AP1G1: variants seen among roughly 807,000 people sequenced by gnomAD.
AP1G1 encodes the protein adaptor related protein complex 1 subunit gamma 1, also known as AP-1 complex subunit gamma-1.
In AP1G1, 7 loss-of-function variants were observed where a neutral mutation model predicts 108.3. That is an observed-to-expected ratio of 0.06 (90% CI 0.04 to 0.12). The LOEUF (loss-of-function observed/expected upper bound fraction) is 0.12. Among genes scored for constraint, AP1G1 ranks in the 10% least tolerant of loss-of-function variants. The probability of loss-of-function intolerance (pLI) is 1.00; values close to 1 mark genes in which losing one functional copy is unlikely to be tolerated. For synonymous variants in AP1G1, 379 were observed against 353.5 expected (o/e 1.07, Z -0.81); for missense variants, 756 against 1,010.7 (o/e 0.75, Z 3.42).
chr16:71,766,217 C>G (rs1005462704), intron 6 of AP1G1, among the ~76,000 whole-genome samples: 4 of 152,118 alleles, frequency 2.6e-5, no homozygotes, highest in African/African-American at 7.2e-5. Flanking sequence ...ATAATTTCCT[C>G]TTCCTATTCT....
chr16:71,787,907 T>C (rs1164893760), intron 2 of AP1G1, among the ~76,000 whole-genome samples: 1 of 152,244 alleles, frequency 6.6e-6, no homozygotes, highest in East Asian at 1.9e-4. Flanking sequence ...ATGACACTAA[T>C]TCTGTCCCAA....
At chr16:71,789,054 A>G (rs1434905504) in intron 2 of AP1G1, among the ~76,000 whole-genome samples, 1 of 152,194 alleles carries the variant, frequency 6.6e-6, no homozygotes, top group East Asian at 1.9e-4. Context: ...GCCACCATCA[A>G]AACATTCTCT....
intron 2 of AP1G1, among the ~76,000 whole-genome samples, chr16:71,785,622 C>T (rs770622435): frequency 6.7e-6 from 1 of 150,018 alleles, no homozygotes; most frequent in African/African-American, 2.5e-5. Flanking sequence ...TGGTGGCTCA[C>T]GCCTGTAATC....
chr16:71,788,463 AG>A (rs954599137), intron 2 of AP1G1, among the ~76,000 whole-genome samples: 14 of 152,202 alleles, frequency 9.2e-5, no homozygotes, highest in African/African-American at 2.9e-4. Flanking sequence ...CATCTTAGAT[AG>A]TAACCATTTG....
At chr16:71,753,604 A>T in intron 13 of AP1G1, 1 of 517,154 alleles carries the variant, frequency 1.9e-6, no homozygotes, top group Non-Finnish European at 3.5e-6. Context: ...CTCCCTGACT[A>T]ACTCTAATCT....
At chr16:71,763,360 T>C (rs1432719110) in intron 9 of AP1G1, among the ~76,000 whole-genome samples, 1 of 152,168 alleles carries the variant, frequency 6.6e-6, no homozygotes, top group African/African-American at 2.4e-5. Context: ...GGACTACAGA[T>C]AGTTACAGCA....
intron 10 of AP1G1, 97 bp downstream of exon 10, chr16:71,761,415 A>T: frequency 1.1e-6 from 1 of 878,080 alleles, no homozygotes; most frequent in Non-Finnish European, 1.9e-6. Context: ...AAAGTTCTAA[A>T]TATGTGACTT....
At chr16:71,769,523 C>A (rs775046848) in intron 6 of AP1G1, 100 bp downstream of exon 6, 3 of 1,152,976 alleles carry the variant, frequency 2.6e-6, no homozygotes, top group Non-Finnish European at 3.9e-6. Flanking sequence ...TATTCAGATC[C>A]ATAGCTTGCT....
intron 11 of AP1G1, among the ~76,000 whole-genome samples, chr16:71,757,922 T>C (rs1237623097): frequency 1.3e-5 from 2 of 151,834 alleles, no homozygotes; most frequent in Non-Finnish European, 2.9e-5. Flanking sequence ...AACTAATCTG[T>C]TAATTAGGGA....
intron 13 of AP1G1, chr16:71,753,500 C>G: frequency 5.0e-6 from 1 of 201,892 alleles, no homozygotes; most frequent in Non-Finnish European, 1.0e-5. Context: ...ACTTAGGGTT[C>G]CCTCCGTATG....
At chr16:71,794,294 G>A (rs915475815) in intron 1 of AP1G1, among the ~76,000 whole-genome samples, 3 of 151,982 alleles carry the variant, frequency 2.0e-5, no homozygotes, top group African/African-American at 4.8e-5. Context: ...TTAGTATTTC[G>A]ATGGTTTCAC....
chr16:71,745,185 C>T lies in AP1G1; in HGVS notation c.1958G>A (p.Gly653Asp). Residue 653 changes from glycine (G) to aspartate (D), a missense_variant, in exon 19 of 23, where the codon GGT becomes GAT. By Grantham distance (94) the Gly-to-Asp change is moderately conservative. Transcript: ENST00000299980. ...TAPTSKPSSA[G>D]GELLDLLGDI... is the part of the protein sequence containing the mutation. ...TCCCAGCAAATCAAGAAGTTCTCCACCAGCAGAAGATGGTTTGCTTGTAGG... is the reference window on the plus strand; with the variant it reads ...TCCCAGCAAATCAAGAAGTTCTCCATCAGCAGAAGATGGTTTGCTTGTAGG... The T allele has an allele frequency of 6.2e-7, 1 of 1,614,142 alleles. No homozygotes were observed. The highest frequency in any genetic ancestry group is 8.5e-7 in the Non-Finnish European group (1 of 1,180,036).
At chr16:71,752,493 A>T (rs2030559138) in intron 13 of AP1G1, among the ~76,000 whole-genome samples, 1 of 152,178 alleles carries the variant, frequency 6.6e-6, no homozygotes, top group Non-Finnish European at 1.5e-5. Context: ...AATTTCAATG[A>T]TATAATTTTC....
Position 71,746,446 on chromosome 16 carries a change from G to A in AP1G1, c.1730+142C>T, listed in dbSNP as rs1312893775. On this transcript the variant is annotated intron_variant, in intron 17 of 22. Transcript: ENST00000299980. ...GGCAGAATAGAAGATGGACAAAACAGAAGCAGACAAGCAATTAGAACTAAA... is the reference window on the plus strand; with the variant it reads ...GGCAGAATAGAAGATGGACAAAACAAAAGCAGACAAGCAATTAGAACTAAA... 88 of 476,492 alleles carry A rather than the reference G, an allele frequency of 1.8e-4. No individual in the cohort carries two copies. In the East Asian group the frequency reaches 2.6e-3, roughly 14 times the overall value. 29.5% of individuals were successfully genotyped at this position (476,492 alleles called of 1,614,324 possible).
chr16:71,750,298 T>G lies in AP1G1; in HGVS notation c.1319A>C (p.Asn440Thr), dbSNP rs148838983. The G allele has an allele frequency of 6.2e-7, 1 of 1,613,984 alleles. No homozygotes were observed. Among genetic ancestry groups the G allele is most frequent in the Non-Finnish European group, 8.5e-7 (1 of 1,180,000 alleles). The change falls in exon 14 of 23, where the codon AAT (asparagine) becomes ACT (threonine). Residue 440 changes from asparagine to threonine, a missense_variant. Asn to Thr is a moderately conservative substitution (Grantham distance 65). Around this residue, in one of 3 missense-constraint regions of AP1G1, gnomAD observed 357 missense variants for 366.5 expected, o/e 0.97. Transcript: ENST00000299980. The part of the protein sequence containing the change: ...GSYVRDDAVP[N>T]LIQLITNSVE... The stretch of plus-strand genomic sequence containing the variant: ...ACTATTAGTTATTAACTGGATTAAA[T>G]TGGGGACTGCATCATCACGAACATA...
chr16:71,769,648 G>A lies in AP1G1; in HGVS notation c.617C>T (p.Pro206Leu). The A allele has an allele frequency of 1.2e-6, 2 of 1,613,626 alleles. No individual in the cohort carries two copies. ...CTTTCTGAAATGCGCAAGCATGTCT[G>A]GGCTTCGCTCACACATTTCTGTGAG... ...VLLTEMCERS[P>L]DMLAHFRKLV... Residue 206 changes from proline (P) to leucine (L), a missense_variant, in exon 6 of 23, where the codon CCA becomes CTA. Physicochemically the swap from Pro to Leu is moderately conservative, Grantham distance 98 (BLOSUM62 -3). Transcript: ENST00000299980.
rs2032322034 is a variant in AP1G1, at chr16:71,789,517, C to A, written c.-3-35G>T. 1.9e-6 allele frequency: 3 copies of A among 1,582,240 alleles called. No homozygotes were observed. The African/African-American group carries it at 4.0e-5, about 21-fold the overall frequency. On this transcript the variant is annotated intron_variant, in intron 1 of 22. Coordinates refer to ENST00000299980, the MANE Select transcript of AP1G1 (RefSeq NM_001128.6). ...GAAAGACATTAAATAGAGATGTTCA[C>A]ATTTTTTACTACCAAAGCTATTCAC...
In AP1G1 at chr16:71,771,262, A is replaced by C; in HGVS notation, c.469-10T>G. The C allele has an allele frequency of 6.7e-7, 1 of 1,489,080 alleles. No individual in the cohort carries two copies. The highest frequency in any genetic ancestry group is 9.0e-7 in the Non-Finnish European group (1 of 1,111,010). The allele number at this position is 1,489,080 out of a possible 1,614,324, so 92.2% of individuals were successfully genotyped here. A position where few individuals can be genotyped will look rare whatever the true frequency, so the allele number is the denominator to read the frequency against. The stretch of plus-strand genomic sequence containing the variant: ...CAGCACACAGTGCTGCCTATGAAAA[A>C]AAAAATAAAAGAACAAAAGGTTTAT... On this transcript the variant is annotated splice_polypyrimidine_tract_variant and intron_variant, in intron 4 of 22. Coordinates refer to ENST00000299980, the MANE Select transcript of AP1G1 (RefSeq NM_001128.6).
At chr16:71,737,773 A>G (rs1030027802) in intron 21 of AP1G1, among the ~76,000 whole-genome samples, 1 of 152,284 alleles carries the variant, frequency 6.6e-6, no homozygotes, top group African/African-American at 2.4e-5. Flanking sequence ...CATATTTCAC[A>G]TGCCACTGCC....
Sources: gnomAD v4.1 joint callset for allele counts (sites outside exome capture counted in the v4.1 genomes callset) on GRCh38, gnomAD v4.1.1 for gene constraint, gnomAD v4.1.1 regional missense constraint, MANE v1.5 for transcripts, NCBI Gene and HGNC (gene_info 2026-07-23, HGNC 2026-07-21) for gene names.